The following TTLL7 variants were observed in gnomAD, a reference collection of about 807,000 sequenced individuals.
TTLL7 encodes tubulin tyrosine ligase like 7.
TTLL7 carries 53 observed loss-of-function variants against 120.2 expected under a neutral mutation model. The ratio of observed to expected loss-of-function variants is 0.44; its 90% CI spans 0.35 to 0.55. The LOEUF (loss-of-function observed/expected upper bound fraction) is 0.55. Ranked by LOEUF, TTLL7 falls within the 20% of genes least tolerant of loss-of-function variation. The pLI is 0.00. For synonymous variants in TTLL7, 353 were observed against 351.7 expected (o/e 1.00, Z -0.04); for missense variants, 803 against 1,054.7 (o/e 0.76, Z 3.31).
chr1:83,882,145 G>A (rs964830155), intron 20 of TTLL7, among the ~76,000 whole-genome samples: 1 of 150,022 alleles, frequency 6.7e-6, no homozygotes, highest in Non-Finnish European at 1.5e-5. Flanking sequence ...GGTAAATGAC[G>A]AGTTAATGGG....
chr1:83,873,345 A>G (rs970392755), intron 20 of TTLL7, among the ~76,000 whole-genome samples: 1 of 152,218 alleles, frequency 6.6e-6, no homozygotes, highest in Admixed American at 6.5e-5. Context: ...ATGTCTTGGG[A>G]AATCCAACAC....
chr1:83,892,928 G>A lies in TTLL7; in HGVS notation c.2209-2447C>T, dbSNP rs960515016. On this transcript the variant is annotated intron_variant, in intron 18 of 20. Coordinates refer to ENST00000260505, the MANE Select transcript of TTLL7 (RefSeq NM_024686.6). ...AGGAAAAAGAAAAAAGAAAGAAAAA[G>A]AGAAAGAAAGAAAGAAAGAAAGAAA... Among the ~76,000 whole-genome samples, 68 of 102,712 alleles carry A rather than the reference G, an allele frequency of 6.6e-4. 2 individuals carry two copies. The East Asian group carries it at 0.014, about 20-fold the overall frequency. 67.4% of individuals were successfully genotyped at this position (102,712 alleles called of 152,430 possible). A position where few individuals can be genotyped will look rare whatever the true frequency, so the allele number is the denominator to read the frequency against.
intron 1 of TTLL7, among the ~76,000 whole-genome samples, chr1:83,997,206 C>G (rs1653562707): frequency 2.0e-5 from 3 of 152,120 alleles, no homozygotes; most frequent in Admixed American, 2.0e-4. Flanking sequence ...AAATGACATA[C>G]TAAGATGACT....
At chr1:83,921,037 G>T in intron 12 of TTLL7, 50 bp downstream of exon 12, 2 of 1,532,444 alleles carry the variant, frequency 1.3e-6, no homozygotes, top group Non-Finnish European at 1.8e-6. Context: ...AAGAATCATT[G>T]CTTTGATACT....
At chr1:83,872,197 C>T (rs72722884) in intron 20 of TTLL7, among the ~76,000 whole-genome samples, 2,466 of 152,122 alleles carry the variant, frequency 0.016, 35 homozygotes, top group Non-Finnish European at 0.026. Flanking sequence ...AAACCTATTA[C>T]CTAATATCAC....
chr1:83,954,882 G>C (rs1467608320), intron 1 of TTLL7, among the ~76,000 whole-genome samples: 1 of 142,598 alleles, frequency 7.0e-6, no homozygotes, highest in Non-Finnish European at 1.5e-5. Flanking sequence ...AAAAAAACCA[G>C]AAAAAAATTT....
chr1:83,911,481 TC>T (rs984470782), intron 14 of TTLL7, 118 bp from the exon 15 acceptor site: 8 of 773,932 alleles, frequency 1.0e-5, no homozygotes, highest in African/African-American at 5.3e-5. Context: ...AGGTTGAGAA[TC>T]CCCCCAAATA....
At chr1:83,919,173 T>C (rs1026881855) in intron 13 of TTLL7, among the ~76,000 whole-genome samples, 1 of 151,918 alleles carries the variant, frequency 6.6e-6, no homozygotes, top group Non-Finnish European at 1.5e-5. Flanking sequence ...CCAGCCACGA[T>C]TGCAGAGTAA....
chr1:83,901,132 T>C (rs1211910108), intron 18 of TTLL7, among the ~76,000 whole-genome samples: 1 of 151,964 alleles, frequency 6.6e-6, no homozygotes, highest in Non-Finnish European at 1.5e-5. Context: ...CACTTATCTG[T>C]CTTCCTCAAA....
chr1:83,892,622 A>G (rs1048645385), intron 18 of TTLL7, among the ~76,000 whole-genome samples: 1 of 148,482 alleles, frequency 6.7e-6, no homozygotes, highest in Admixed American at 6.7e-5. Flanking sequence ...GAACATATAT[A>G]TGAACATATG....
chr1:83,873,178 CT>C (rs903265040), intron 20 of TTLL7, among the ~76,000 whole-genome samples: 1 of 151,950 alleles, frequency 6.6e-6, no homozygotes, highest in Non-Finnish European at 1.5e-5. Flanking sequence ...AAAGATGAAA[CT>C]TTTTATTAAG....
At chr1:83,898,716 G>A (rs1656453905) in intron 18 of TTLL7, among the ~76,000 whole-genome samples, 1 of 151,380 alleles carries the variant, frequency 6.6e-6, no homozygotes, top group Admixed American at 6.6e-5. Flanking sequence ...GGGAAGAGGT[G>A]GAGAAAAAAA....
intron 18 of TTLL7, among the ~76,000 whole-genome samples, chr1:83,891,834 A>ACT (rs1557559308): frequency 6.6e-6 from 1 of 151,420 alleles, no homozygotes; most frequent in African/African-American, 2.4e-5. Flanking sequence ...CCATGATACC[A>ACT]CCCTTTTTTT....
At chr1:83,904,236 T>C (rs898843163) in intron 17 of TTLL7, 77 bp from the exon 18 acceptor site, 20 of 1,034,492 alleles carry the variant, frequency 1.9e-5, no homozygotes, top group East Asian at 1.2e-4. Flanking sequence ...ATGAAAGCAC[T>C]ATAATATACT....
intron 3 of TTLL7, among the ~76,000 whole-genome samples, chr1:83,951,421 A>G (rs1368806955): frequency 6.6e-6 from 1 of 152,158 alleles, no homozygotes; most frequent in Admixed American, 6.5e-5. Flanking sequence ...CCATGAGGCT[A>G]GGAACATTCA....
rs918404269 is a variant in TTLL7, at chr1:83,867,553, T to C, written c.*2409A>G. ...AATTGTGTGTGTGTGTGTGTGTGTGTTTTCTGTGAGGAGTGTTTCTCCTAG... is the reference window on the plus strand; with the variant it reads ...AATTGTGTGTGTGTGTGTGTGTGTGCTTTCTGTGAGGAGTGTTTCTCCTAG... On this transcript the variant is annotated 3_prime_UTR_variant, in exon 21 of 21. Coordinates refer to ENST00000260505, the MANE Select transcript of TTLL7 (RefSeq NM_024686.6). The C allele has an allele frequency of 4.6e-5, 7 of 150,936 alleles. No individual in the cohort carries two copies. Among genetic ancestry groups the C allele is most frequent in the African/African-American group, 1.7e-4 (7 of 41,172 alleles). 9.3% of individuals were successfully genotyped at this position (150,936 alleles called of 1,614,324 possible).
chr1:83,922,963 A>G (rs779947237), intron 10 of TTLL7, among the ~76,000 whole-genome samples: 2 of 150,644 alleles, frequency 1.3e-5, no homozygotes, highest in Non-Finnish European at 3.0e-5. Context: ...AAGAATGGAT[A>G]TGCTCTGGTG....
In TTLL7 at chr1:83,883,019, A is replaced by G. The variant is rs749593620; in HGVS notation, c.2487T>C (p.Tyr829=). 5.6e-6 allele frequency: 9 copies of G among 1,612,818 alleles called. No homozygotes were observed. Among genetic ancestry groups the G allele is most frequent in the Admixed American group, 1.7e-5 (1 of 59,864 alleles). The change falls in exon 20 of 21, where the codon TAT becomes TAC. Residue 829 remains tyrosine (Y), a synonymous_variant. Coordinates refer to ENST00000260505, the MANE Select transcript of TTLL7 (RefSeq NM_024686.6). ...AAAGTGATCCTCTTTTGTCAGTTGC[A>G]TATTTGTAAACCACTAGCAGGCACT... The part of the protein sequence containing the change: ...CKQCLLVVYK[Y]ATDKRGSLSG...
At chr1:83,901,943 A>G (rs12133778) in intron 18 of TTLL7, 63,348 of 151,698 alleles carry the variant, frequency 0.42, 15,088 homozygotes, top group Non-Finnish European at 0.54. Flanking sequence ...AGTGCAGTTG[A>G]TGGGCCCTTC....
Sources: gnomAD v4.1 joint callset for allele counts (sites outside exome capture counted in the v4.1 genomes callset) on GRCh38, gnomAD v4.1.1 for gene constraint, MANE v1.5 for transcripts, NCBI Gene and HGNC (gene_info 2026-07-23, HGNC 2026-07-21) for gene names.